Variants in MAP3K2 observed in about 807,000 individuals in gnomAD.
MAP3K2 encodes MAP/ERK kinase kinase 2.
A neutral mutation model predicts 80.3 loss-of-function variants in MAP3K2; 24 were observed. The ratio of observed to expected loss-of-function variants is 0.30; its 90% CI spans 0.22 to 0.42. MAP3K2 has a LOEUF of 0.42. Ranked by LOEUF, MAP3K2 falls within the 10% of genes least tolerant of loss-of-function variation. The pLI, the probability that MAP3K2 is intolerant of heterozygous loss-of-function variation, is 1.00. For missense variants in MAP3K2, 608 were observed against 750.1 expected, an observed-to-expected ratio of 0.81 and a Z score of 2.21; for synonymous variants, 244 against 253.7, an observed-to-expected ratio of 0.96 and a Z score of 0.36.
chr2:127,307,392 T>C lies in MAP3K2; in HGVS notation c.*187A>G, dbSNP rs1343703270. On this transcript the variant is annotated 3_prime_UTR_variant, in exon 17 of 17. Coordinates refer to ENST00000682094, the MANE Select transcript of MAP3K2 (RefSeq NM_001371910.2). This position sits in a 1 kb window ranked among gnomAD's most constrained non-coding sequence, Gnocchi z 5.4. Reference sequence around the variant, plus strand: ...CAAGTTCTTGTAAGGGAAAAAAAGATTAAATATAAAAAATTTAGGATATTA... The same window carrying C: ...CAAGTTCTTGTAAGGGAAAAAAAGACTAAATATAAAAAATTTAGGATATTA... 2.6e-6 allele frequency: 1 copy of C among 379,522 alleles called. No homozygotes were observed. Among genetic ancestry groups the C allele is most frequent in the Non-Finnish European group, 4.6e-6 (1 of 215,616 alleles). 23.5% of individuals were successfully genotyped at this position (379,522 alleles called of 1,614,324 possible).
chr2:127,344,161 C>T (rs1429284191), intron 1 of MAP3K2, among the ~76,000 whole-genome samples: 8 of 152,068 alleles, frequency 5.3e-5, no homozygotes, highest in Admixed American at 4.6e-4. Flanking sequence ...GAAAATTCCA[C>T]AAACCTGTCC....
intron 7 of MAP3K2, 37 bp downstream of exon 7, chr2:127,329,884 A>C (rs759624903): frequency 1.7e-6 from 2 of 1,164,090 alleles, no homozygotes; most frequent in East Asian, 4.7e-5. Flanking sequence ...GAAATTGAGA[A>C]ATCATTCATT....
intron 3 of MAP3K2, 106 bp from the exon 4 acceptor site, chr2:127,337,884 T>A: frequency 1.5e-6 from 1 of 645,902 alleles, no homozygotes; most frequent in South Asian, 2.3e-5. Context: ...GCCATTCATT[T>A]AAAATAGACC....
In MAP3K2 at chr2:127,298,832, G is replaced by T. The variant is rs1246546572; in HGVS notation, c.*8747C>A. Reference sequence around the variant, plus strand: ...AGTTTTCATTGTGCTAATTATTGCAGGCCTTCATGCACGTAAACCTCAACA... The same window carrying T: ...AGTTTTCATTGTGCTAATTATTGCATGCCTTCATGCACGTAAACCTCAACA... On this transcript the variant is annotated 3_prime_UTR_variant, in exon 17 of 17. Transcript: ENST00000682094. The T allele has an allele frequency of 6.6e-6, 1 of 152,068 alleles. No individual in the cohort carries two copies. Among genetic ancestry groups the T allele is most frequent in the Non-Finnish European group, 1.5e-5 (1 of 68,016 alleles). 9.4% of individuals were successfully genotyped at this position (152,068 alleles called of 1,614,324 possible). A position where few individuals can be genotyped will look rare whatever the true frequency, so the allele number is the denominator to read the frequency against.
At chr2:127,318,388 C>T (rs1179262258) in intron 12 of MAP3K2, 71 bp from the exon 13 acceptor site, 22 of 1,199,392 alleles carry the variant, frequency 1.8e-5, no homozygotes, top group Non-Finnish European at 2.5e-5. Flanking sequence ...ACTAAATGAG[C>T]ATACTGCATT....
In MAP3K2 at chr2:127,321,923, T is replaced by C; in HGVS notation, c.1045+123A>G. On this transcript the variant is annotated intron_variant, in intron 12 of 16. Coordinates refer to ENST00000682094, the MANE Select transcript of MAP3K2 (RefSeq NM_001371910.2). This position sits in a 1 kb window ranked among gnomAD's most constrained non-coding sequence, Gnocchi z 4.4. ...TTCCAACCACCTTTAGAAACACCAT[T>C]ATTACCTTTTTTGAGTAGTTCATCT... 1.3e-6 allele frequency: 1 copy of C among 765,162 alleles called. No individual in the cohort carries two copies. 47.4% of individuals were successfully genotyped at this position (765,162 alleles called of 1,614,324 possible).
At chr2:127,365,365 C>T (rs1490046584) in intron 1 of MAP3K2, among the ~76,000 whole-genome samples, 1 of 151,966 alleles carries the variant, frequency 6.6e-6, no homozygotes, top group Non-Finnish European at 1.5e-5. Flanking sequence ...TTAACATCCC[C>T]CACTGTGTTT....
At position 127,359,534 on chromosome 2, in the gene MAP3K2, A is replaced by G. The variant is rs568904422; in HGVS notation, c.-65-16340T>C. Among the ~76,000 whole-genome samples the G allele has an allele frequency of 2.0e-5, 3 of 152,304 alleles. No homozygotes were observed. In the East Asian group the frequency reaches 5.8e-4, roughly 29 times the overall value. ...TGTCAAGCGGTACAATCACTTCAGAAATGTTCGACAATTTTTTACAAAGGT... is the reference window on the plus strand; with the variant it reads ...TGTCAAGCGGTACAATCACTTCAGAGATGTTCGACAATTTTTTACAAAGGT... On this transcript the variant is annotated intron_variant, in intron 1 of 16. Coordinates refer to ENST00000682094, the MANE Select transcript of MAP3K2 (RefSeq NM_001371910.2).
At chr2:127,350,158 C>G (rs981469668) in intron 1 of MAP3K2, among the ~76,000 whole-genome samples, 1 of 152,158 alleles carries the variant, frequency 6.6e-6, no homozygotes, top group African/African-American at 2.4e-5. Context: ...GAGCCTAAAA[C>G]ATCTCACTGA....
At chr2:127,326,666 A>G in intron 8 of MAP3K2, 21 bp downstream of exon 8, 1 of 1,522,260 alleles carries the variant, frequency 6.6e-7, no homozygotes, top group Non-Finnish European at 8.8e-7. Flanking sequence ...ATTAAATTTA[A>G]AAAATCAAAC....
chr2:127,367,112 G>A (rs1266714933), intron 1 of MAP3K2, among the ~76,000 whole-genome samples: 1 of 152,028 alleles, frequency 6.6e-6, no homozygotes, highest in Non-Finnish European at 1.5e-5. Context: ...AAATCACAGG[G>A]CAAGATTATA....
At chr2:127,312,640 G>A (rs1228209215) in intron 15 of MAP3K2, among the ~76,000 whole-genome samples, 2 of 152,058 alleles carry the variant, frequency 1.3e-5, no homozygotes, top group African/African-American at 4.8e-5. Flanking sequence ...TAGCCTGGGT[G>A]ACAGAGGGTG....
intron 1 of MAP3K2, among the ~76,000 whole-genome samples, chr2:127,368,738 G>A (rs1687013984): frequency 6.6e-6 from 1 of 151,792 alleles, no homozygotes; most frequent in Non-Finnish European, 1.5e-5. Flanking sequence ...TAATATAACT[G>A]CCATGTAAAT....
intron 1 of MAP3K2, among the ~76,000 whole-genome samples, chr2:127,383,926 T>C (rs1006785546): frequency 2.0e-5 from 3 of 147,586 alleles, no homozygotes; most frequent in Non-Finnish European, 4.4e-5. Context: ...CAGACTGGAG[T>C]GCAGTGGCGC....
intron 1 of MAP3K2, among the ~76,000 whole-genome samples, chr2:127,348,298 G>A (rs1489452714): frequency 6.6e-6 from 1 of 152,088 alleles, no homozygotes; most frequent in Non-Finnish European, 1.5e-5. Context: ...TGAGGCAGGA[G>A]AATTGCTTGA....
chr2:127,330,087 A>C, intron 6 of MAP3K2, 79 bp from the exon 7 acceptor site: 1 of 796,202 alleles, frequency 1.3e-6, no homozygotes, highest in East Asian at 2.5e-5. Flanking sequence ...ACCAAGTACA[A>C]AACATTTTAT....
In MAP3K2 at chr2:127,364,295, A is replaced by G. The variant is rs1006640702; in HGVS notation, c.-65-21101T>C. ...AAAGAAGCAAATAGATAATCAAAAAAAGCAAAGAGTAGGAGTCAATAGGTT... is the reference window on the plus strand; with the variant it reads ...AAAGAAGCAAATAGATAATCAAAAAGAGCAAAGAGTAGGAGTCAATAGGTT... On this transcript the variant is annotated intron_variant, in intron 1 of 16. Coordinates refer to ENST00000682094, the MANE Select transcript of MAP3K2 (RefSeq NM_001371910.2). This position sits in a 1 kb window ranked among gnomAD's most constrained non-coding sequence, Gnocchi z 4.1. 6.6e-6 allele frequency among the ~76,000 whole-genome samples: 1 copy of G among 152,190 alleles called. No individual in the cohort carries two copies. Among genetic ancestry groups the G allele is most frequent in the African/African-American group, 2.4e-5 (1 of 41,444 alleles).
Position 127,321,932 on chromosome 2 carries a change from T to G in MAP3K2, c.1045+114A>C. On this transcript the variant is annotated intron_variant, in intron 12 of 16. Coordinates refer to ENST00000682094, the MANE Select transcript of MAP3K2 (RefSeq NM_001371910.2). The surrounding 1 kb of genome is among the most constrained non-coding windows in gnomAD (Gnocchi z 4.4). ...CCTTTAGAAACACCATTATTACCTT[T>G]TTTGAGTAGTTCATCTGACCCCAAA... 2.4e-6 allele frequency: 2 copies of G among 842,228 alleles called. No individual in the cohort carries two copies. The highest frequency in any genetic ancestry group is 3.8e-6 in the Non-Finnish European group (2 of 524,120). The allele number at this position is 842,228 out of a possible 1,614,324, so 52.2% of individuals were successfully genotyped here.
At chr2:127,334,088 A>G (rs1319166568) in intron 5 of MAP3K2, among the ~76,000 whole-genome samples, 1 of 152,182 alleles carries the variant, frequency 6.6e-6, no homozygotes, top group East Asian at 1.9e-4. Context: ...TGACAGAGTG[A>G]AACCTCGTCT....
Sources: gnomAD v4.1 joint callset for allele counts (sites outside exome capture counted in the v4.1 genomes callset) on GRCh38, gnomAD v4.1.1 for gene constraint, Gnocchi (gnomAD v3.1) non-coding constraint, MANE v1.5 for transcripts, NCBI Gene and HGNC (gene_info 2026-07-23, HGNC 2026-07-21) for gene names.